GLRB: variants seen among roughly 807,000 people sequenced by gnomAD.
GLRB encodes glycine receptor beta.
Under a neutral mutation model 54.2 loss-of-function variants are expected in GLRB, and 33 were observed. The observed-to-expected ratio is 0.61, with a 90% CI of 0.46 to 0.81. GLRB has a LOEUF of 0.81. Among genes scored for constraint, GLRB ranks in the 40% least tolerant of loss-of-function variants. The pLI is 0.00. For synonymous variants in GLRB, 209 were observed against 208.2 expected (o/e 1.00, Z -0.03); for missense variants, 572 against 584.6 (o/e 0.98, Z 0.22).
chr4:157,158,154 C>T (rs1737310947), intron 9 of GLRB, among the ~76,000 whole-genome samples: 1 of 152,114 alleles, frequency 6.6e-6, no homozygotes, highest in Non-Finnish European at 1.5e-5. Flanking sequence ...AGTGTCTGTT[C>T]ATATCCTTTG....
chr4:157,158,986 T>G (rs1298682369), intron 9 of GLRB, among the ~76,000 whole-genome samples: 5 of 152,202 alleles, frequency 3.3e-5, no homozygotes, highest in Admixed American at 3.3e-4. Flanking sequence ...TTCCATTTGT[T>G]TGTGTCCTCT....
rs866839956 is a variant in GLRB at position 157,138,892 on chromosome 4, G to A, written c.694G>A (p.Asp232Asn). Residue 232 changes from aspartate (D) to asparagine (N), a missense_variant, in exon 7 of 10, where the codon GAT becomes AAT. Transcript: ENST00000264428. ...AGAAAAAATTGCCTTGCCTCAATTT[G>A]ATATCAAAAAGGAAGATATTGAATA... The part of the protein sequence containing the change: ...QLEKIALPQF[D>N]IKKEDIEYGN... 2.0e-6 allele frequency: 3 copies of A among 1,498,274 alleles called. No homozygotes were observed. The highest frequency in any genetic ancestry group is 2.8e-6 in the Non-Finnish European group (3 of 1,075,548). The allele number at this position is 1,498,274 out of a possible 1,614,324, so 92.8% of individuals were successfully genotyped here. A position where few individuals can be genotyped will look rare whatever the true frequency, so the allele number is the denominator to read the frequency against.
chr4:157,144,569 C>T lies in GLRB; in HGVS notation c.904+610C>T, dbSNP rs3963913. Among the ~76,000 whole-genome samples, 937 of 152,264 alleles carry T rather than the reference C, an allele frequency of 6.2e-3. 22 individuals carry two copies. In the East Asian group the frequency reaches 0.1, roughly 16 times the overall value. On this transcript the variant is annotated intron_variant, in intron 8 of 9. Transcript: ENST00000264428. ...GCCTTTGCTTAAGGAAATAAGCAAG[C>T]GCCCTTCCTATGGATAAATTGAATA...
intron 2 of GLRB, among the ~76,000 whole-genome samples, chr4:157,080,932 T>C (rs1215643419): frequency 6.6e-6 from 1 of 152,124 alleles, no homozygotes; most frequent in South Asian, 2.1e-4. Context: ...AGAGGAAACA[T>C]GTTTTAAAAT....
intron 2 of GLRB, among the ~76,000 whole-genome samples, chr4:157,114,867 T>A (rs1400360821): frequency 1.3e-5 from 2 of 151,704 alleles, no homozygotes; most frequent in Non-Finnish European, 2.9e-5. Context: ...CTTATCACGG[T>A]TGAGGTTAAC....
At chr4:157,083,259 T>C (rs1010362054) in intron 2 of GLRB, among the ~76,000 whole-genome samples, 7 of 152,076 alleles carry the variant, frequency 4.6e-5, no homozygotes, top group Non-Finnish European at 1.5e-5. Context: ...GGAACTGAGA[T>C]ACTTGAAAAT....
chr4:157,105,866 A>G (rs1735204521), intron 2 of GLRB, among the ~76,000 whole-genome samples: 1 of 151,916 alleles, frequency 6.6e-6, no homozygotes, highest in Admixed American at 6.6e-5. Flanking sequence ...ATCTTTTTTC[A>G]TCTCTTTGCT....
intron 4 of GLRB, among the ~76,000 whole-genome samples, chr4:157,127,241 G>A (rs1054877729): frequency 2.0e-5 from 3 of 151,718 alleles, no homozygotes; most frequent in African/African-American, 7.3e-5. Context: ...TTTAAAGCAT[G>A]TACTATAGAA....
chr4:157,108,974 C>T (rs1249038872), intron 2 of GLRB, among the ~76,000 whole-genome samples: 1 of 152,110 alleles, frequency 6.6e-6, no homozygotes, highest in Middle Eastern at 3.4e-3. Context: ...AAAGATGAAA[C>T]CTTGTTTAAA....
Position 157,139,541 on chromosome 4 carries a change from A to G in GLRB, c.751+592A>G, listed in dbSNP as rs554061596. 2.0e-5 allele frequency among the ~76,000 whole-genome samples: 3 copies of G among 152,228 alleles called. No individual in the cohort carries two copies. The South Asian group carries it at 6.2e-4, about 32-fold the overall frequency. ...TCACTAAGTTGCATGGAGCTTTTGC[A>G]GAAAGTACAGTACTCACTACTCAAT... On this transcript the variant is annotated intron_variant, in intron 7 of 9. Transcript: ENST00000264428.
chr4:157,084,960 T>C (rs1266177026), intron 2 of GLRB, among the ~76,000 whole-genome samples: 1 of 152,214 alleles, frequency 6.6e-6, no homozygotes, highest in Non-Finnish European at 1.5e-5. Context: ...ATCTATAAAA[T>C]GGATACTATT....
rs370571093 is a variant in GLRB at position 157,126,021 on chromosome 4, C to T, written c.297+3624C>T. On this transcript the variant is annotated intron_variant, in intron 4 of 9. Transcript: ENST00000264428. ...ATTAAAGAAAGCACAATGCAGAACA[C>T]AGAGCCTGGGAGTAGATATAACATG... Among the ~76,000 whole-genome samples the T allele has an allele frequency of 7.7e-4, 117 of 151,920 alleles. 2 individuals carry two copies. In the East Asian group the frequency reaches 0.017, roughly 23 times the overall value.
chr4:157,122,205 A>G (rs949234283), intron 3 of GLRB, 125 bp from the exon 4 acceptor site: 1 of 487,904 alleles, frequency 2.0e-6, no homozygotes, highest in Admixed American at 3.6e-5. Context: ...CTGAGACCAT[A>G]GATTTTTTGC....
chr4:157,136,758 C>G, intron 5 of GLRB, 46 bp from the exon 6 acceptor site: 1 of 1,494,724 alleles, frequency 6.7e-7, no homozygotes, highest in Non-Finnish European at 9.3e-7. Flanking sequence ...CAATGGATGA[C>G]AGAGAAGTAT....
intron 8 of GLRB, among the ~76,000 whole-genome samples, chr4:157,147,036 C>T (rs1381385020): frequency 6.6e-6 from 1 of 152,058 alleles, no homozygotes; most frequent in African/African-American, 2.4e-5. Flanking sequence ...GATGGGCAGG[C>T]CAGGAGCTTT....
intron 2 of GLRB, among the ~76,000 whole-genome samples, chr4:157,105,739 G>A (rs1394497756): frequency 6.6e-6 from 1 of 151,750 alleles, no homozygotes; most frequent in Non-Finnish European, 1.5e-5. Context: ...TCTTCCTGGT[G>A]GATTTACCCT....
intron 2 of GLRB, among the ~76,000 whole-genome samples, chr4:157,102,530 G>A (rs1302722103): frequency 1.3e-5 from 2 of 151,898 alleles, no homozygotes; most frequent in Admixed American, 6.6e-5. Flanking sequence ...TCTTTTTAAA[G>A]GCTAAATAAT....
intron 9 of GLRB, 68 bp from the exon 10 acceptor site, chr4:157,170,364 T>A: frequency 1.1e-6 from 1 of 888,712 alleles, no homozygotes; most frequent in Non-Finnish European, 1.8e-6. Context: ...TTTAAAAATA[T>A]CGTTTGAAGA....
chr4:157,167,870 G>A (rs1737771593), intron 9 of GLRB, among the ~76,000 whole-genome samples: 1 of 152,160 alleles, frequency 6.6e-6, no homozygotes, highest in African/African-American at 2.4e-5. Context: ...AAGCTGGCAT[G>A]TCAGATGGCA....
Sources: allele counts gnomAD v4.1 joint callset (sites outside exome capture counted in the v4.1 genomes callset), GRCh38; gene constraint gnomAD v4.1.1; transcripts MANE v1.5; gene names NCBI Gene and HGNC (gene_info 2026-07-23, HGNC 2026-07-21).